Variants in CCSER1 observed in about 807,000 individuals in gnomAD.
The protein encoded by CCSER1 is serine-rich coiled-coil domain-containing protein 1.
In CCSER1, 41 loss-of-function variants were observed where a neutral mutation model predicts 82.0. The observed-to-expected ratio is 0.50, with a 90% CI of 0.39 to 0.65. The LOEUF is 0.65. Ranked by LOEUF, CCSER1 falls within the 30% of genes least tolerant of loss-of-function variation. The pLI is 0.00. For synonymous variants in CCSER1, 414 were observed against 383.9 expected (o/e 1.08, Z -0.92); for missense variants, 1,119 against 1,064.2 (o/e 1.05, Z -0.72).
chr4:90,169,921 C>T (rs758828007), intron 1 of CCSER1, among the ~76,000 whole-genome samples: 1 of 151,872 alleles, frequency 6.6e-6, no homozygotes, highest in East Asian at 1.9e-4. Flanking sequence ...TGATAATACA[C>T]GTATCCTGGA....
At chr4:90,303,280 T>A (rs942667300) in intron 1 of CCSER1, among the ~76,000 whole-genome samples, 3 of 151,964 alleles carry the variant, frequency 2.0e-5, no homozygotes, top group Non-Finnish European at 2.9e-5. Flanking sequence ...TGACTTTCTT[T>A]ACAGAATTGG....
In CCSER1 at chr4:90,503,064, A is replaced by T. The variant is rs143035844; in HGVS notation, c.1724+34710A>T. 1.5e-3 allele frequency among the ~76,000 whole-genome samples: 236 copies of T among 152,316 alleles called. 1 individual carries two copies. The highest frequency in any genetic ancestry group is 5.3e-3 in the African/African-American group (220 of 41,568). On this transcript the variant is annotated intron_variant, in intron 5 of 10. Transcript: ENST00000509176. ...ACTGTACATGGAGGGAAAAAGAATA[A>T]ATAAATGCAAAAGTCCTACAAGTGT...
intron 5 of CCSER1, among the ~76,000 whole-genome samples, chr4:90,531,227 G>A (rs538188769): frequency 4.0e-5 from 6 of 151,604 alleles, no homozygotes; most frequent in Admixed American, 3.9e-4. Context: ...AAAGGAAATG[G>A]CATTTTCTAA....
At chr4:90,212,747 T>C (rs539685801) in intron 1 of CCSER1, among the ~76,000 whole-genome samples, 1 of 152,296 alleles carries the variant, frequency 6.6e-6, no homozygotes, top group Admixed American at 6.5e-5. Flanking sequence ...GAAATAGGAG[T>C]GCAATGGTAG....
intron 5 of CCSER1, among the ~76,000 whole-genome samples, chr4:90,515,356 G>A (rs1465549853): frequency 1.3e-5 from 2 of 152,170 alleles, no homozygotes; most frequent in African/African-American, 4.8e-5. Flanking sequence ...TGGTTCACAA[G>A]TTTTACATGC....
intron 3 of CCSER1, among the ~76,000 whole-genome samples, chr4:90,334,823 T>A (rs4694023): frequency 0.66 from 99,623 of 151,974 alleles, 34,170 homozygotes; most frequent in African/African-American, 0.86. Flanking sequence ...TTCTAATATT[T>A]TGACTTCAAT....
In CCSER1 at chr4:91,382,664, C is replaced by T. The variant is rs568223350; in HGVS notation, c.2218-215908C>T. ...GACCCATTGCGCTTCTTGGGTGAGG[C>T]GATCCCTCACCCTCCTTTGGCTCAC... is the stretch of plus-strand genomic sequence containing the variant. On this transcript the variant is annotated intron_variant, in intron 10 of 10. Coordinates refer to ENST00000509176, the MANE Select transcript of CCSER1 (RefSeq NM_001145065.2). Among the ~76,000 whole-genome samples, 13 of 152,244 alleles carry T rather than the reference C, an allele frequency of 8.5e-5. No individual in the cohort carries two copies. The East Asian group carries it at 1.4e-3, about 16-fold the overall frequency.
At chr4:90,551,674 A>G (rs1777491866) in intron 5 of CCSER1, among the ~76,000 whole-genome samples, 1 of 78,394 alleles carries the variant, frequency 1.3e-5, no homozygotes, top group South Asian at 5.5e-4. Flanking sequence ...ATTAAAAAAT[A>G]TAATTCTCTC....
chr4:90,725,699 A>G (rs1426843925), intron 7 of CCSER1, among the ~76,000 whole-genome samples: 1 of 151,752 alleles, frequency 6.6e-6, no homozygotes, highest in Non-Finnish European at 1.5e-5. Flanking sequence ...ATGTTACATA[A>G]ACACAAAATA....
At chr4:90,504,103 G>A (rs777263538) in intron 5 of CCSER1, among the ~76,000 whole-genome samples, 4 of 151,154 alleles carry the variant, frequency 2.6e-5, no homozygotes, top group Admixed American at 2.6e-4. Context: ...TTCTTAAATC[G>A]ATATTTTAAG....
intron 7 of CCSER1, among the ~76,000 whole-genome samples, chr4:90,814,719 C>A (rs946256479): frequency 1.3e-5 from 2 of 152,196 alleles, no homozygotes; most frequent in Admixed American, 1.3e-4. Flanking sequence ...TGGCACCAGG[C>A]TCTTTGCTAA....
chr4:90,888,632 C>A (rs1385592443), intron 8 of CCSER1, among the ~76,000 whole-genome samples: 2 of 152,028 alleles, frequency 1.3e-5, no homozygotes, highest in Non-Finnish European at 2.9e-5. Context: ...TCACCTGTAA[C>A]TTTGAGGAAA....
intron 9 of CCSER1, among the ~76,000 whole-genome samples, chr4:91,039,650 C>T (rs1228958302): frequency 6.6e-6 from 1 of 151,884 alleles, no homozygotes; most frequent in Non-Finnish European, 1.5e-5. Flanking sequence ...TATATACATA[C>T]ATACACATAT....
intron 10 of CCSER1, among the ~76,000 whole-genome samples, chr4:91,135,452 T>C (rs1444894149): frequency 1.3e-5 from 2 of 152,224 alleles, no homozygotes; most frequent in African/African-American, 4.8e-5. Context: ...AAAATTTGAA[T>C]GGAGTCAATG....
chr4:90,868,637 A>G (rs777063001), intron 8 of CCSER1, among the ~76,000 whole-genome samples: 8 of 152,040 alleles, frequency 5.3e-5, no homozygotes, highest in Non-Finnish European at 8.8e-5. Flanking sequence ...AATACTGGCT[A>G]TTATGAACAG....
At chr4:91,448,646 G>A (rs1442680513) in intron 10 of CCSER1, among the ~76,000 whole-genome samples, 1 of 151,876 alleles carries the variant, frequency 6.6e-6, no homozygotes, top group African/African-American at 2.4e-5. Flanking sequence ...ATAAAATAAA[G>A]CTAATAATGA....
intron 5 of CCSER1, among the ~76,000 whole-genome samples, chr4:90,568,415 T>C (rs1074525): frequency 0.48 from 72,266 of 152,064 alleles, 21,651 homozygotes; most frequent in African/African-American, 0.85. Flanking sequence ...GATATAATGA[T>C]GTTCTTGTCT....
At chr4:90,371,041 A>G (rs1176440721) in intron 3 of CCSER1, among the ~76,000 whole-genome samples, 1 of 151,990 alleles carries the variant, frequency 6.6e-6, no homozygotes, top group East Asian at 1.9e-4. Flanking sequence ...TAGCAGCTAC[A>G]AGCTATCACA....
At chr4:90,235,036 C>T (rs1469218294) in intron 1 of CCSER1, 2 of 152,094 alleles carry the variant, frequency 1.3e-5, no homozygotes, top group Non-Finnish European at 2.9e-5. Context: ...TCTCTGTTAC[C>T]ATCGAGACCG....
Sources: allele counts gnomAD v4.1 joint callset (sites outside exome capture counted in the v4.1 genomes callset), GRCh38; gene constraint gnomAD v4.1.1; transcripts MANE v1.5; gene names NCBI Gene and HGNC (gene_info 2026-07-23, HGNC 2026-07-21).